The following KLHL13 variants were observed in gnomAD, a reference collection of about 807,000 sequenced individuals.
The protein encoded by KLHL13 is kelch like family member 13, also known as kelch-like protein 13.
KLHL13 carries 10 observed loss-of-function variants against 37.1 expected under a neutral mutation model. That is an observed-to-expected ratio of 0.27 (90% CI 0.17 to 0.46). The LOEUF is 0.46. Among genes scored for constraint, KLHL13 ranks in the 20% least tolerant of loss-of-function variants. The pLI is 1.00. For missense variants in KLHL13, 360 were observed against 509.3 expected (o/e 0.71, Z 2.82); for synonymous variants, 163 against 181.2 (o/e 0.90, Z 0.81).
chrX:117,955,827 T>C (rs1230072163), intron 1 of KLHL13, among the ~76,000 whole-genome samples: 1 of 111,647 alleles, frequency 9.0e-6, no homozygotes, highest in Middle Eastern at 4.2e-3. Flanking sequence ...GTACTATGCT[T>C]CCCATAAAGA....
At chrX:118,097,439 C>A (rs2055224733) in intron 1 of KLHL13, among the ~76,000 whole-genome samples, 1 of 111,466 alleles carries the variant, frequency 9.0e-6, no homozygotes, top group East Asian at 2.8e-4. Flanking sequence ...AGGATACAAA[C>A]AAATGAAAGA....
chrX:118,025,626 G>T (rs1424533351), intron 1 of KLHL13, among the ~76,000 whole-genome samples: 1 of 111,901 alleles, frequency 8.9e-6, no homozygotes, highest in Non-Finnish European at 1.9e-5. Context: ...TTTCCTTTAA[G>T]TGAAAGGGTC....
At chrX:118,102,471 T>A (rs1471814788) in intron 1 of KLHL13, among the ~76,000 whole-genome samples, 1 of 111,850 alleles carries the variant, frequency 8.9e-6, no homozygotes, top group Non-Finnish European at 1.9e-5. Flanking sequence ...CTCCTGCCAC[T>A]TTTCCTATTC....
At chrX:117,963,845 T>C (rs914401731) in intron 1 of KLHL13, among the ~76,000 whole-genome samples, 4 of 106,745 alleles carry the variant, frequency 3.7e-5, no homozygotes, top group African/African-American at 1.4e-4. Flanking sequence ...ATATACACCA[T>C]GGAATACTAT....
chrX:118,029,811 T>C (rs1030462419), intron 1 of KLHL13, among the ~76,000 whole-genome samples: 1 of 109,492 alleles, frequency 9.1e-6, no homozygotes, highest in African/African-American at 3.3e-5. Flanking sequence ...TCTATAAAAA[T>C]ACAAAAATTA....
At chrX:118,056,063 G>A (rs1407960518) in intron 1 of KLHL13, among the ~76,000 whole-genome samples, 1 of 111,462 alleles carries the variant, frequency 9.0e-6, no homozygotes, top group Non-Finnish European at 1.9e-5. Flanking sequence ...GAGCTTGTAC[G>A]TAGAAAATCC....
intron 1 of KLHL13, among the ~76,000 whole-genome samples, chrX:117,980,116 A>T (rs1320224378): frequency 1.8e-5 from 2 of 112,089 alleles, no homozygotes; most frequent in East Asian, 5.6e-4. Context: ...TAGAAGCAAG[A>T]CTGCCAAAGT....
At chrX:117,972,041 A>G (rs1194810635) in intron 1 of KLHL13, among the ~76,000 whole-genome samples, 1 of 111,926 alleles carries the variant, frequency 8.9e-6, no homozygotes, top group East Asian at 2.8e-4. Context: ...AAAAATTTTG[A>G]AAACTTCTAG....
intron 1 of KLHL13, among the ~76,000 whole-genome samples, chrX:118,065,991 A>G (rs2054790600): frequency 8.9e-6 from 1 of 112,263 alleles, no homozygotes; most frequent in African/African-American, 3.2e-5. Context: ...AACAAAAATT[A>G]AACTGTGCTT....
rs57382655 is a variant in KLHL13, at chrX:118,007,370, CAAAAAA to C, written c.-55-61801_-55-61796del. Among the ~76,000 whole-genome samples, 343 of 46,578 alleles carry C rather than the reference CAAAAAA, an allele frequency of 7.4e-3. 2 individuals carry two copies. Among genetic ancestry groups the C allele is most frequent in the African/African-American group, 0.018 (312 of 17,365 alleles). The allele number at this position is 46,578 out of a possible 115,157, so 40.4% of individuals were successfully genotyped here. ...CCTGGGCAACAGAAGGAGACCCTGT[CAAAAAA>C]AAAAAAAAAAAAAAAAAGAGAGAGA... On this transcript the variant is annotated intron_variant, in intron 1 of 6. Transcript: ENST00000371882.
At chrX:118,110,371 C>CTTTT (rs1479012364) in intron 1 of KLHL13, among the ~76,000 whole-genome samples, 1 of 98,314 alleles carries the variant, frequency 1.0e-5, no homozygotes, top group African/African-American at 3.9e-5. Context: ...TTTTCTATTT[C>CTTTT]TTTTTCTTTT....
intron 1 of KLHL13, among the ~76,000 whole-genome samples, chrX:118,053,844 A>AGAGAG (rs1297471774): frequency 7.1e-5 from 1 of 14,143 alleles, no homozygotes; most frequent in African/African-American, 1.7e-4. Context: ...AGAGAGAGAG[A>AGAGAG]GAGAGGAGAG....
chrX:117,994,885 A>G (rs2430209), intron 1 of KLHL13, among the ~76,000 whole-genome samples: 24,935 of 110,388 alleles, frequency 0.23, 4,523 homozygotes, highest in African/African-American at 0.62. Flanking sequence ...GTGAGACTTC[A>G]TCTGTATAAA....
chrX:118,110,544 C>A (rs1473731483), intron 1 of KLHL13, among the ~76,000 whole-genome samples: 1 of 109,254 alleles, frequency 9.2e-6, no homozygotes, highest in African/African-American at 3.3e-5. Context: ...ACGCCCAGCT[C>A]ATTTTTGTAT....
chrX:118,097,816 C>T (rs1476845687), intron 1 of KLHL13, among the ~76,000 whole-genome samples: 1 of 111,728 alleles, frequency 9.0e-6, no homozygotes, highest in Non-Finnish European at 1.9e-5. Context: ...TGGAGGAAAA[C>T]AAGCAATGGG....
chrX:118,038,877 A>C (rs990952783), intron 1 of KLHL13, among the ~76,000 whole-genome samples: 9 of 111,438 alleles, frequency 8.1e-5, no homozygotes, highest in African/African-American at 2.9e-4. Flanking sequence ...AGCACCGTTC[A>C]CAGCTACAGG....
intron 4 of KLHL13, among the ~76,000 whole-genome samples, chrX:117,912,651 C>G (rs912771410): frequency 2.7e-5 from 3 of 112,362 alleles, no homozygotes; most frequent in Non-Finnish European, 5.6e-5. Context: ...TAGCTGCCTA[C>G]TTTTTTCTTT....
chrX:117,930,290 A>AAGGCAGGCAGGCAGGCAGGCAGGCAGGC (rs1166028829), intron 2 of KLHL13, among the ~76,000 whole-genome samples: 7 of 77,976 alleles, frequency 9.0e-5, no homozygotes, highest in African/African-American at 3.9e-4. Context: ...GGAAGGAAGG[A>AAGGCAGGCAGGCAGGCAGGCAGGCAGGC]AGGCAGGCAG....
intron 2 of KLHL13, among the ~76,000 whole-genome samples, chrX:117,938,571 T>C (rs1053717844): frequency 2.7e-5 from 3 of 111,447 alleles, no homozygotes; most frequent in Non-Finnish European, 5.6e-5. Context: ...TTGAGAACCA[T>C]TGCTTTAAAT....
Sources: gnomAD v4.1 joint callset for allele counts (sites outside exome capture counted in the v4.1 genomes callset) on GRCh38, gnomAD v4.1.1 for gene constraint, MANE v1.5 for transcripts, NCBI Gene and HGNC (gene_info 2026-07-23, HGNC 2026-07-21) for gene names.